CSMD1: variants seen among roughly 807,000 people sequenced by gnomAD.
CSMD1 encodes CUB and sushi domain-containing protein 1.
A neutral mutation model predicts 417.5 loss-of-function variants in CSMD1; 213 were observed. The ratio of observed to expected loss-of-function variants is 0.51; its 90% CI spans 0.46 to 0.57. CSMD1 has a LOEUF of 0.57. Ranked by LOEUF, CSMD1 falls within the 20% of genes least tolerant of loss-of-function variation. The probability of loss-of-function intolerance (pLI) is 0.00; values close to 1 mark genes in which losing one functional copy is unlikely to be tolerated. For synonymous variants in CSMD1, 2,862 were observed against 1,736.8 expected, an observed-to-expected ratio of 1.65 and a Z score of -16.11; for missense variants, 6,923 against 4,529.7, an observed-to-expected ratio of 1.53 and a Z score of -15.17.
intron 10 of CSMD1, among the ~76,000 whole-genome samples, chr8:3,562,190 A>G (rs1398510154): frequency 6.6e-6 from 1 of 152,226 alleles, no homozygotes; most frequent in East Asian, 1.9e-4. Context: ...AAAGATGGAA[A>G]GTGAATGTTA....
intron 25 of CSMD1, among the ~76,000 whole-genome samples, chr8:3,305,846 A>AT (rs1035256702): frequency 3.3e-5 from 5 of 151,790 alleles, no homozygotes; most frequent in African/African-American, 1.2e-4. Flanking sequence ...CGTGTGGCTA[A>AT]TTTTTTTGTA....
chr8:3,224,884 T>C (rs995403924), intron 27 of CSMD1, among the ~76,000 whole-genome samples: 1 of 152,238 alleles, frequency 6.6e-6, no homozygotes, highest in Non-Finnish European at 1.5e-5. Flanking sequence ...ATACACATTT[T>C]AGATACATAC....
chr8:3,484,648 G>C (rs373416767), intron 11 of CSMD1, among the ~76,000 whole-genome samples: 1 of 152,140 alleles, frequency 6.6e-6, no homozygotes, highest in East Asian at 1.9e-4. Context: ...AAAGTGAAAA[G>C]ACAAGCCGCA....
chr8:2,998,529 A>T, intron 53 of CSMD1, among the ~76,000 whole-genome samples: 1 of 152,252 alleles, frequency 6.6e-6, no homozygotes, highest in East Asian at 1.9e-4. Context: ...TTCTTGTATT[A>T]ATCATGAGTT....
intron 3 of CSMD1, among the ~76,000 whole-genome samples, chr8:4,306,634 C>G (rs960106638): frequency 6.6e-5 from 10 of 152,124 alleles, no homozygotes; most frequent in Admixed American, 5.9e-4. Flanking sequence ...ATTCACACAT[C>G]TGGATGTATC....
chr8:3,669,923 T>C (rs527509209), intron 7 of CSMD1, among the ~76,000 whole-genome samples: 11 of 152,308 alleles, frequency 7.2e-5, no homozygotes, highest in African/African-American at 2.2e-4. Flanking sequence ...GAAATGAAGA[T>C]GTTTGAGACT....
At chr8:4,612,524 G>T (rs1209257962) in intron 2 of CSMD1, among the ~76,000 whole-genome samples, 1 of 152,142 alleles carries the variant, frequency 6.6e-6, no homozygotes, top group Non-Finnish European at 1.5e-5. Context: ...CCAATATTTG[G>T]TGCATTTTAA....
chr8:3,069,059 A>C (rs535966803), intron 49 of CSMD1, among the ~76,000 whole-genome samples: 16 of 152,226 alleles, frequency 1.1e-4, no homozygotes, highest in Non-Finnish European at 2.2e-4. Context: ...GAAAATCAAA[A>C]ATAAGTTTGT....
At chr8:3,709,269 T>A (rs6981931) in intron 6 of CSMD1, among the ~76,000 whole-genome samples, 1 of 151,766 alleles carries the variant, frequency 6.6e-6, no homozygotes, top group Non-Finnish European at 1.5e-5. Context: ...AAGTGCCCAG[T>A]GGAAACATTT....
chr8:3,179,267 G>A (rs2129046908), intron 37 of CSMD1, among the ~76,000 whole-genome samples: 1 of 152,116 alleles, frequency 6.6e-6, no homozygotes. Flanking sequence ...TTCAAATTCT[G>A]GCATGAAGAA....
At chr8:3,569,286 G>C (rs1022812806) in intron 10 of CSMD1, among the ~76,000 whole-genome samples, 1 of 152,134 alleles carries the variant, frequency 6.6e-6, no homozygotes, top group South Asian at 2.1e-4. Context: ...AACATGTGAT[G>C]TGCATTATTA....
At chr8:4,001,145 A>C (rs917125812) in intron 4 of CSMD1, among the ~76,000 whole-genome samples, 1 of 152,218 alleles carries the variant, frequency 6.6e-6, no homozygotes, top group Non-Finnish European at 1.5e-5. Flanking sequence ...AAAGCTTTGA[A>C]ATAGTCGTAT....
chr8:3,361,729 C>T (rs1490913363), intron 20 of CSMD1, among the ~76,000 whole-genome samples: 2 of 150,222 alleles, frequency 1.3e-5, no homozygotes, highest in Non-Finnish European at 3.0e-5. Context: ...ATGTGCTATA[C>T]CTATTATCTT....
At chr8:4,823,156 A>T (rs1799614553) in intron 1 of CSMD1, among the ~76,000 whole-genome samples, 1 of 152,104 alleles carries the variant, frequency 6.6e-6, no homozygotes, top group Non-Finnish European at 1.5e-5. Flanking sequence ...AGCAATCGTC[A>T]CAACTGCTGG....
chr8:2,970,478 A>T (rs1216389999), intron 57 of CSMD1, among the ~76,000 whole-genome samples: 3 of 152,202 alleles, frequency 2.0e-5, no homozygotes, highest in African/African-American at 7.2e-5. Context: ...ATTCTTGAAA[A>T]CAGAAGGATA....
Position 3,396,372 on chromosome 8 carries a change from T to C in CSMD1, c.2415A>G (p.Thr805=). Residue 805 remains threonine, a synonymous_variant, in exon 17 of 70, where the codon ACA becomes ACG. Coordinates refer to ENST00000635120, the MANE Select transcript of CSMD1 (RefSeq NM_033225.6). Reference sequence around the variant, plus strand: ...CCTCCAAGGTGTCATAATTGACCTCTGTCTGAAATCTGCAAATATATACAT... The same window carrying C: ...CCTCCAAGGTGTCATAATTGACCTCCGTCTGAAATCTGCAAATATATACAT... ...SIKITFDRFQ[T]EVNYDTLEVR... is the part of the protein sequence containing the mutation. 6.3e-7 allele frequency: 1 copy of C among 1,582,694 alleles called. No individual in the cohort carries two copies. The highest frequency in any genetic ancestry group is 1.2e-5 in the South Asian group (1 of 85,422).
intron 8 of CSMD1, among the ~76,000 whole-genome samples, chr8:3,588,850 C>G (rs1040885129): frequency 1.3e-5 from 2 of 152,008 alleles, no homozygotes; most frequent in African/African-American, 4.8e-5. Flanking sequence ...CGTTCATATC[C>G]ACAAATACAA....
chr8:3,908,610 G>A (rs1039435798), intron 5 of CSMD1, among the ~76,000 whole-genome samples: 2 of 152,008 alleles, frequency 1.3e-5, no homozygotes, highest in African/African-American at 4.8e-5. Context: ...ATACTTTTAA[G>A]AACATTGCTT....
intron 4 of CSMD1, among the ~76,000 whole-genome samples, chr8:4,027,813 G>T (rs564319567): frequency 6.7e-6 from 1 of 150,118 alleles, no homozygotes; most frequent in East Asian, 2.0e-4. Context: ...CAAGACACTT[G>T]AAATGAAGAG....
Sources: gnomAD v4.1 joint callset for allele counts (sites outside exome capture counted in the v4.1 genomes callset) on GRCh38, gnomAD v4.1.1 for gene constraint, MANE v1.5 for transcripts, NCBI Gene and HGNC (gene_info 2026-07-23, HGNC 2026-07-21) for gene names.